Variants in ACAP3 observed in about 807,000 individuals in gnomAD.
The protein encoded by ACAP3 is arf-GAP with coiled-coil, ANK repeat and PH domain-containing protein 3.
In ACAP3, 56 loss-of-function variants were observed where a neutral mutation model predicts 104.1. The ratio of observed to expected loss-of-function variants is 0.54; its 90% confidence interval spans 0.43 to 0.67. ACAP3 has a LOEUF of 0.67. ACAP3 is among the 30% of genes least tolerant of loss of function. The pLI is 0.00. For synonymous variants in ACAP3, 628 were observed against 496.2 expected (o/e 1.27, Z -3.53); for missense variants, 1,208 against 1,174.9 (o/e 1.03, Z -0.41).
rs748663230 is a variant in ACAP3, at chr1:1,300,159, G to C, written c.566C>G (p.Ser189Cys). ...QAKKKFEILD[S>C]MLSFMHAQSS... The stretch of plus-strand genomic sequence containing the variant: ...CAGGGGCAGCCCCCACGCACTCACA[G>C]AGTCCAGGATCTCAAACTTCTTCTT... Residue 189 changes from serine to cysteine, a missense_variant and splice_region_variant, in exon 7 of 24, where the codon TCT (serine) becomes TGT (cysteine). Ser to Cys is a moderately radical substitution (Grantham distance 112, BLOSUM62 -1). Coordinates refer to ENST00000354700, the MANE Select transcript of ACAP3 (RefSeq NM_030649.3). 6.2e-6 allele frequency: 10 copies of C among 1,610,590 alleles called. No homozygotes were observed. Among genetic ancestry groups the C allele is most frequent in the Non-Finnish European group, 8.5e-6 (10 of 1,178,658 alleles).
chr1:1,300,052 TG>T lies in ACAP3; in HGVS notation c.583del (p.His195ThrfsTer21). 6.2e-7 allele frequency: 1 copy of T among 1,612,424 alleles called. No homozygotes were observed. The highest frequency in any genetic ancestry group is 8.5e-7 in the Non-Finnish European group (1 of 1,179,822). On this transcript the variant is annotated frameshift_variant, in exon 8 of 24. Transcript: ENST00000354700. LOFTEE classifies it high-confidence loss of function. ...CTGCTGGAAGAAGCTGGACTGGGCG[TG>T]CATGAAGGACAGCATCTGCGGGGGC... is the stretch of plus-strand genomic sequence containing the variant. ...EILDSMLSFM[H>X]AQSSFFQQGY...
intron 12 of ACAP3, 74 bp downstream of exon 12, chr1:1,298,296 A>C (rs1474587911): frequency 6.3e-7 from 1 of 1,599,768 alleles, no homozygotes; most frequent in African/African-American, 1.3e-5. Context: ...TGCTAACCCC[A>C]ACTGACCAGT....
intron 14 of ACAP3, 140 bp downstream of exon 14, chr1:1,297,682 C>T: frequency 1.6e-6 from 1 of 621,802 alleles, no homozygotes; most frequent in Non-Finnish European, 2.3e-6. Context: ...AGGGGCCATC[C>T]CCGGTGGCAC....
chr1:1,302,822 A>T, intron 4 of ACAP3, 100 bp downstream of exon 4: 1 of 354,052 alleles, frequency 2.8e-6, no homozygotes, highest in Non-Finnish European at 5.5e-6. Flanking sequence ...AGAGGAGCAG[A>T]AACGTGCCCC....
chr1:1,298,917 T>A, intron 10 of ACAP3: 1 of 566,718 alleles, frequency 1.8e-6, no homozygotes, highest in South Asian at 2.2e-5. Flanking sequence ...GGCCCGAGAG[T>A]GCCGGCCCCA....
chr1:1,293,781 C>CCTGGAGGCCCCGCCCCTGCT, intron 23 of ACAP3, 42 bp downstream of exon 23: 2 of 1,539,400 alleles, frequency 1.3e-6, no homozygotes, highest in South Asian at 1.2e-5. Flanking sequence ...CCGCCCCTGC[C>CCTGGAGGCCCCGCCCCTGCT]CTGGAGGCCC....
At position 1,303,437 on chromosome 1, in the gene ACAP3, T is replaced by G; in HGVS notation, c.106-156A>C. 8.6e-6 allele frequency: 4 copies of G among 463,344 alleles called. No individual in the cohort carries two copies. Among genetic ancestry groups the G allele is most frequent in the South Asian group, 2.0e-5 (1 of 49,188 alleles). The allele number at this position is 463,344 out of a possible 1,614,324, so 28.7% of individuals were successfully genotyped here. On this transcript the variant is annotated intron_variant, in intron 2 of 23. Coordinates refer to ENST00000354700, the MANE Select transcript of ACAP3 (RefSeq NM_030649.3). The surrounding 1 kb of genome is among the most constrained non-coding windows in gnomAD (Gnocchi z 4.0). ...TGCCCCGGTGCAGCTTCCTCACGCC[T>G]GGGCCTGCCTGGGGCTTGGAGGCCC...
In ACAP3 at chr1:1,294,427, G is replaced by A. The variant is rs2100393219; in HGVS notation, c.2114C>T (p.Thr705Met). 6.3e-7 allele frequency: 1 copy of A among 1,576,162 alleles called. No homozygotes were observed. Among genetic ancestry groups the A allele is most frequent in the Non-Finnish European group, 8.6e-7 (1 of 1,166,658 alleles). Residue 705 changes from threonine to methionine, a missense_variant, in exon 21 of 24, where the codon ACG becomes ATG. Coordinates refer to ENST00000354700, the MANE Select transcript of ACAP3 (RefSeq NM_030649.3). ...NWADAEDEGK[T>M]PLVQAVLGGS... ...CCCTAGCACGGCCTGCACCAGCGGC[G>A]TCTTGCCCTCATCCTCCGCGTCCGC...
In ACAP3 at chr1:1,303,005, G is replaced by A. The variant is rs377459041; in HGVS notation, c.226-30C>T. 7.5e-6 allele frequency: 12 copies of A among 1,600,194 alleles called. No individual in the cohort carries two copies. Among genetic ancestry groups the A allele is most frequent in the South Asian group, 2.2e-5 (2 of 89,342 alleles). On this transcript the variant is annotated intron_variant, in intron 3 of 23. Coordinates refer to ENST00000354700, the MANE Select transcript of ACAP3 (RefSeq NM_030649.3). This position sits in a 1 kb window ranked among gnomAD's most constrained non-coding sequence, Gnocchi z 4.0. ...AGGAGCAGATGGGAACCCGTGCTGAGATGGCAAATCCGGGCCCAGGTCACC... is the reference window on the plus strand; with the variant it reads ...AGGAGCAGATGGGAACCCGTGCTGAAATGGCAAATCCGGGCCCAGGTCACC...
rs1640884630 is a variant in ACAP3 at position 1,292,634 on chromosome 1, T to C, written c.*930A>G. On this transcript the variant is annotated 3_prime_UTR_variant, in exon 24 of 24. Transcript: ENST00000354700. ...CGACTGGCCTTAGCCTGACCTGCGCTGAGTGGGGGAGGCCCTGCCTCCCTG... is the reference window on the plus strand; with the variant it reads ...CGACTGGCCTTAGCCTGACCTGCGCCGAGTGGGGGAGGCCCTGCCTCCCTG... The C allele has an allele frequency of 1.3e-5, 2 of 152,242 alleles. No individual in the cohort carries two copies. Among genetic ancestry groups the C allele is most frequent in the Admixed American group, 1.3e-4 (2 of 15,286 alleles). 9.4% of individuals were successfully genotyped at this position (152,242 alleles called of 1,614,324 possible). A position where few individuals can be genotyped will look rare whatever the true frequency, so the allele number is the denominator to read the frequency against.
chr1:1,296,643 G>A lies in ACAP3; in HGVS notation c.1129-10C>T. ...CTGTGCGGTCCAGCCTCTGGAGGAT[G>A]GGGTGGAGCTGCTCGGTCCCGCAGG... On this transcript the variant is annotated splice_polypyrimidine_tract_variant and intron_variant, in intron 14 of 23. Coordinates refer to ENST00000354700, the MANE Select transcript of ACAP3 (RefSeq NM_030649.3). 1.3e-6 allele frequency: 2 copies of A among 1,529,550 alleles called. No individual in the cohort carries two copies. The highest frequency in any genetic ancestry group is 1.8e-6 in the Non-Finnish European group (2 of 1,140,920). 94.7% of individuals were successfully genotyped at this position (1,529,550 alleles called of 1,614,324 possible). A position where few individuals can be genotyped will look rare whatever the true frequency, so the allele number is the denominator to read the frequency against.
At chr1:1,301,354 G>A (rs1422849124) in intron 5 of ACAP3, 2 of 151,086 alleles carry the variant, frequency 1.3e-5, no homozygotes, top group African/African-American at 4.9e-5. Flanking sequence ...CCGCCTCCTG[G>A]GCTCAACTGA....
In ACAP3 at chr1:1,302,971, C is replaced by T. The variant is rs749170786; in HGVS notation, c.230G>A (p.Cys77Tyr). The change falls in exon 4 of 24, where the codon TGT (cysteine) becomes TAT (tyrosine). Residue 77 changes from cysteine to tyrosine, a missense_variant. Transcript: ENST00000354700. ...TAGGCTGTCAGCGAACCTCTGCAGA[C>T]ATTCCTGGAGGAGCAGATGGGAACC... ...QCQGDTVISE[C>Y]LQRFADSLQE... 83 of 1,610,774 alleles carry T rather than the reference C, an allele frequency of 5.2e-5. No homozygotes were observed. Among genetic ancestry groups the T allele is most frequent in the South Asian group, 2.2e-5 (2 of 90,738 alleles).
Position 1,300,021 on chromosome 1 carries a change from G to A in ACAP3, c.615C>T (p.Tyr205=). ...AGGGGTCCAGCTGGTGCAGGAGGCTGTAGCCCTGCTGGAAGAAGCTGGACT... is the reference window on the plus strand; with the variant it reads ...AGGGGTCCAGCTGGTGCAGGAGGCTATAGCCCTGCTGGAAGAAGCTGGACT... ...HAQSSFFQQG[Y]SLLHQLDPYM... The change falls in exon 8 of 24, where the codon TAC becomes TAT. Residue 205 remains tyrosine (Y), a synonymous_variant. Coordinates refer to ENST00000354700, the MANE Select transcript of ACAP3 (RefSeq NM_030649.3). 1.2e-6 allele frequency: 2 copies of A among 1,612,528 alleles called. No individual in the cohort carries two copies. The highest frequency in any genetic ancestry group is 1.7e-6 in the Non-Finnish European group (2 of 1,179,852).
chr1:1,293,164 G>C lies in ACAP3; in HGVS notation c.*400C>G, dbSNP rs983515417. The C allele has an allele frequency of 6.4e-6, 1 of 156,646 alleles. No individual in the cohort carries two copies. The highest frequency in any genetic ancestry group is 2.4e-5 in the African/African-American group (1 of 41,550). 9.7% of individuals were successfully genotyped at this position (156,646 alleles called of 1,614,324 possible). A position where few individuals can be genotyped will look rare whatever the true frequency, so the allele number is the denominator to read the frequency against. ...AGGAGGCTCTGGGGTGTGCAGGAGG[G>C]AGCCAGCTAACAGGTCAGTGTTCTG... On this transcript the variant is annotated 3_prime_UTR_variant, in exon 24 of 24. Coordinates refer to ENST00000354700, the MANE Select transcript of ACAP3 (RefSeq NM_030649.3).
intron 8 of ACAP3, 28 bp downstream of exon 8, chr1:1,299,945 C>A: frequency 6.2e-7 from 1 of 1,600,672 alleles, no homozygotes; most frequent in Non-Finnish European, 8.5e-7. Context: ...GGAGGCCTGG[C>A]CCAGCCCCAC....
rs200974083 is a variant in ACAP3, at chr1:1,293,976, C to A, written c.2250-43G>T. 1.2e-4 allele frequency: 86 copies of A among 727,916 alleles called. 1 individual carries two copies. In the East Asian group the frequency reaches 2.7e-3, roughly 23 times the overall value. 45.1% of individuals were successfully genotyped at this position (727,916 alleles called of 1,614,324 possible). A position where few individuals can be genotyped will look rare whatever the true frequency, so the allele number is the denominator to read the frequency against. On this transcript the variant is annotated intron_variant, in intron 22 of 23. Coordinates refer to ENST00000354700, the MANE Select transcript of ACAP3 (RefSeq NM_030649.3). ...AGGGGCGTGTCGGGGCGGGGCGGGG[C>A]GGGGCGAGTGTGGTCGCGGGGGCGT...
At chr1:1,299,780 C>A in intron 9 of ACAP3, 51 bp downstream of exon 9, 2 of 1,516,884 alleles carry the variant, frequency 1.3e-6, no homozygotes, top group South Asian at 1.2e-5. Context: ...GGTGAGGACG[C>A]AGGGGCCTCC....
Position 1,296,251 on chromosome 1 carries a change from C to T in ACAP3, c.1367G>A (p.Arg456Gln), listed in dbSNP as rs762644301. 9.0e-6 allele frequency: 14 copies of T among 1,562,086 alleles called. No individual in the cohort carries two copies. Among genetic ancestry groups the T allele is most frequent in the African/African-American group, 2.7e-5 (2 of 73,612 alleles). ...CTCCCACGAGTCCAGCGTCAGGGAC[C>T]GCACCTTGGAGCAGTGGACACCCAG... is the stretch of plus-strand genomic sequence containing the variant. ...RSLGVHCSKV[R>Q]SLTLDSWEPE... is the part of the protein sequence containing the mutation. Residue 456 changes from arginine (R) to glutamine (Q), a missense_variant, in exon 16 of 24, where the codon CGG becomes CAG. Coordinates refer to ENST00000354700, the MANE Select transcript of ACAP3 (RefSeq NM_030649.3).
Sources: allele counts gnomAD v4.1 joint callset, GRCh38; gene constraint gnomAD v4.1.1; non-coding constraint Gnocchi (gnomAD v3.1); transcripts MANE v1.5; gene names NCBI Gene and HGNC (gene_info 2026-07-23, HGNC 2026-07-21).